The following SCAPER variants were observed in gnomAD, a reference collection of about 807,000 sequenced individuals.
The protein encoded by SCAPER is S-phase cyclin A associated protein in the ER.
In SCAPER, 98 loss-of-function variants were observed where a neutral mutation model predicts 182.2. The ratio of observed to expected loss-of-function variants is 0.54; its 90% confidence interval spans 0.46 to 0.64. SCAPER has a LOEUF of 0.64. Among genes scored for constraint, SCAPER ranks in the 30% least tolerant of loss-of-function variants. SCAPER has a pLI of 0.00. For missense variants in SCAPER, 1,432 were observed against 1,690.0 expected, an observed-to-expected ratio of 0.85 and a Z score of 2.68; for synonymous variants, 605 against 564.6, an observed-to-expected ratio of 1.07 and a Z score of -1.01.
chr15:76,899,423 C>T (rs1411682293), intron 1 of SCAPER, among the ~76,000 whole-genome samples: 2 of 152,246 alleles, frequency 1.3e-5, no homozygotes, highest in Admixed American at 6.5e-5. Context: ...CTCGGCCTCC[C>T]GAGGTGCTGG....
intron 2 of SCAPER, among the ~76,000 whole-genome samples, chr15:76,873,305 G>A (rs928018312): frequency 2.0e-5 from 2 of 100,920 alleles, no homozygotes; most frequent in Admixed American, 2.1e-4. Flanking sequence ...AAGGAAGGAA[G>A]GAAGGAAGGA....
In SCAPER at chr15:76,605,383, G is replaced by A. The variant is rs535419801; in HGVS notation, c.2711+16381C>T. Among the ~76,000 whole-genome samples, 118 of 152,192 alleles carry A rather than the reference G, an allele frequency of 7.8e-4. 1 individual carries two copies. Among genetic ancestry groups the A allele is most frequent in the Middle Eastern group, 6.8e-3 (2 of 292 alleles). ...TCCCAGGGATGAATCCCACTTGATC[G>A]TGGTGGATAAGCTTTTTGATGTGCT... On this transcript the variant is annotated intron_variant, in intron 22 of 31. Transcript: ENST00000563290.
chr15:76,889,560 C>CA (rs1172883065), intron 1 of SCAPER, among the ~76,000 whole-genome samples: 2 of 152,110 alleles, frequency 1.3e-5, no homozygotes, highest in African/African-American at 4.8e-5. Context: ...CAACACAGAT[C>CA]AAAAAAGACA....
intron 5 of SCAPER, among the ~76,000 whole-genome samples, chr15:76,811,818 AT>A (rs752559619): frequency 1.5e-4 from 23 of 151,586 alleles, no homozygotes; most frequent in African/African-American, 3.1e-4. Context: ...AATAAAAAAA[AT>A]AAAATAAAAA....
chr15:76,610,683 T>G (rs931979736), intron 22 of SCAPER, among the ~76,000 whole-genome samples: 1 of 152,082 alleles, frequency 6.6e-6, no homozygotes, highest in Admixed American at 6.5e-5. Flanking sequence ...CCATTTACAT[T>G]AACAAGAAAA....
Position 76,480,613 on chromosome 15 carries a change from A to G in SCAPER, c.2955-9278T>C, listed in dbSNP as rs147466125. Among the ~76,000 whole-genome samples the G allele has an allele frequency of 2.3e-3, 344 of 152,382 alleles. 1 individual carries two copies. The highest frequency in any genetic ancestry group is 0.01 in the Middle Eastern group (3 of 294). ...CGGGACCCCTCATACTGTGCAGCAC[A>G]AAGTCTGGCTGAGCACAAGGATGTC... is the stretch of plus-strand genomic sequence containing the variant. On this transcript the variant is annotated intron_variant, in intron 24 of 31. Transcript: ENST00000563290.
chr15:76,356,469 G>C (rs1226426312), intron 29 of SCAPER, among the ~76,000 whole-genome samples: 2 of 152,130 alleles, frequency 1.3e-5, no homozygotes, highest in African/African-American at 4.8e-5. Context: ...ATGTCACTTG[G>C]ACTGCTTGAG....
Position 76,705,934 on chromosome 15 carries a change from A to G in SCAPER, c.2216T>C (p.Met739Thr), listed in dbSNP as rs1336348018. 1.3e-6 allele frequency: 2 copies of G among 1,563,800 alleles called. No homozygotes were observed. Among genetic ancestry groups the G allele is most frequent in the Non-Finnish European group, 1.7e-6 (2 of 1,155,866 alleles). ...CTGAATTTTTTTCTGTAACTCTTCC[A>G]TAGCTTCTTGTTGAGCAGCTGTGAG... ...AALTAAQQEAMEELQKKIQLK... is the reference protein window; with the variant it reads ...AALTAAQQEATEELQKKIQLK... The change falls in exon 18 of 32, where the codon ATG becomes ACG. Residue 739 changes from methionine to threonine, a missense_variant. Around this residue, in one of 5 missense-constraint regions of SCAPER, gnomAD observed 718 missense variants for 799.7 expected, o/e 0.90. Coordinates refer to ENST00000563290, the MANE Select transcript of SCAPER (RefSeq NM_020843.4).
At chr15:76,381,160 C>T (rs954339884) in intron 28 of SCAPER, 9 of 266,500 alleles carry the variant, frequency 3.4e-5, no homozygotes, top group Non-Finnish European at 5.4e-5. Flanking sequence ...TAATACTTTG[C>T]ATGGTAGCTA....
intron 17 of SCAPER, among the ~76,000 whole-genome samples, chr15:76,712,313 C>T (rs1331553369): frequency 6.6e-6 from 1 of 152,108 alleles, no homozygotes; most frequent in African/African-American, 2.4e-5. Flanking sequence ...GTTGTGGTAC[C>T]AGTACCATGC....
intron 29 of SCAPER, among the ~76,000 whole-genome samples, chr15:76,364,858 C>T (rs954978059): frequency 6.6e-6 from 1 of 152,028 alleles, no homozygotes; most frequent in Non-Finnish European, 1.5e-5. Flanking sequence ...TTGGGTCCCT[C>T]CTGACCTGGA....
chr15:76,757,325 A>G (rs777643707), intron 14 of SCAPER, among the ~76,000 whole-genome samples: 5 of 152,098 alleles, frequency 3.3e-5, no homozygotes, highest in Non-Finnish European at 5.9e-5. Context: ...CATATTCCAC[A>G]TAGAAGTGAG....
chr15:76,465,517 GTACAT>G (rs1412608125), intron 25 of SCAPER, among the ~76,000 whole-genome samples: 5 of 152,062 alleles, frequency 3.3e-5, no homozygotes, highest in Non-Finnish European at 1.5e-5. Flanking sequence ...CTTTCATTCT[GTACAT>G]TGCCTTTCTG....
chr15:76,733,560 C>A (rs369536902), intron 15 of SCAPER, among the ~76,000 whole-genome samples, 176 bp from the exon 16 acceptor site: 1 of 151,694 alleles, frequency 6.6e-6, no homozygotes, highest in South Asian at 2.1e-4. Context: ...ACCAGCCTAG[C>A]CAATATGGTG....
Position 76,596,499 on chromosome 15 carries a change from GAGACACAACAAAAAA to G in SCAPER, c.2712-22230_2712-22216del, listed in dbSNP as rs1350144324. Among the ~76,000 whole-genome samples, 5 of 120,494 alleles carry G rather than the reference GAGACACAACAAAAAA, an allele frequency of 4.1e-5. 1 individual carries two copies. The highest frequency in any genetic ancestry group is 1.9e-4 in the Admixed American group (2 of 10,532). The allele number at this position is 120,494 out of a possible 152,430, so 79.0% of individuals were successfully genotyped here. A position where few individuals can be genotyped will look rare whatever the true frequency, so the allele number is the denominator to read the frequency against. ...ATCATCCTGATACCAAAACTCAGCAGAGACACAACAAAAAAAGAAAATTTCAGGCCAATATCCCTG... is the reference window on the plus strand; with the variant it reads ...ATCATCCTGATACCAAAACTCAGCAGAGAAAATTTCAGGCCAATATCCCTG... On this transcript the variant is annotated intron_variant, in intron 22 of 31. Transcript: ENST00000563290.
intron 20 of SCAPER, among the ~76,000 whole-genome samples, chr15:76,681,992 G>A (rs1305404882): frequency 3.3e-5 from 5 of 152,114 alleles, no homozygotes; most frequent in South Asian, 2.1e-4. Context: ...TCTGGGCACC[G>A]CCCTGTATGC....
intron 24 of SCAPER, among the ~76,000 whole-genome samples, chr15:76,502,571 G>A (rs902624695): frequency 6.0e-5 from 9 of 151,234 alleles, no homozygotes; most frequent in South Asian, 2.1e-4. Flanking sequence ...GGGGCCTGTC[G>A]TGGGGTGGGA....
intron 23 of SCAPER, among the ~76,000 whole-genome samples, chr15:76,524,689 G>GTTTGTTTTTTTTT (rs2043058673): frequency 2.0e-5 from 1 of 50,116 alleles, no homozygotes; most frequent in Non-Finnish European, 3.5e-5. Flanking sequence ...TTTTTGTTCT[G>GTTTGTTTTTTTTT]TTTTTTTTTT....
chr15:76,848,613 C>T (rs1250771287), intron 4 of SCAPER, among the ~76,000 whole-genome samples: 3 of 152,088 alleles, frequency 2.0e-5, no homozygotes, highest in Non-Finnish European at 2.9e-5. Flanking sequence ...GGATTATAGG[C>T]GTGAGCCACC....
Sources: allele counts gnomAD v4.1 joint callset (sites outside exome capture counted in the v4.1 genomes callset), GRCh38; gene constraint gnomAD v4.1.1; regional missense constraint gnomAD v4.1.1; transcripts MANE v1.5; gene names NCBI Gene and HGNC (gene_info 2026-07-23, HGNC 2026-07-21).